The following JAZF1 variants were observed in gnomAD, a reference collection of about 807,000 sequenced individuals.
JAZF1 encodes juxtaposed with another zinc finger protein 1.
In JAZF1, 8 loss-of-function variants were observed where a neutral mutation model predicts 26.4. The ratio of observed to expected loss-of-function variants is 0.30; its 90% CI spans 0.18 to 0.55. The LOEUF (loss-of-function observed/expected upper bound fraction) is 0.55, where lower values mean the gene tolerates loss of function less well. Ranked by LOEUF, JAZF1 falls within the 20% of genes least tolerant of loss-of-function variation. JAZF1 has a pLI of 0.94. For synonymous variants in JAZF1, 126 were observed against 122.3 expected, an observed-to-expected ratio of 1.03 and a Z score of -0.20; for missense variants, 199 against 322.0, an observed-to-expected ratio of 0.62 and a Z score of 2.92.
At chr7:27,836,581 C>T (rs1038324289) in intron 4 of JAZF1, among the ~76,000 whole-genome samples, 19 of 151,992 alleles carry the variant, frequency 1.3e-4, no homozygotes, top group South Asian at 2.1e-4. Context: ...TTGTACACAG[C>T]GGAGAAGATG....
intron 3 of JAZF1, among the ~76,000 whole-genome samples, chr7:27,858,106 GACAA>G (rs1783305103): frequency 6.6e-6 from 1 of 151,850 alleles, no homozygotes; most frequent in South Asian, 2.1e-4. Context: ...ACCAATAATA[GACAA>G]ACAGCCAAAT....
At chr7:28,049,627 T>C (rs890606060) in intron 1 of JAZF1, among the ~76,000 whole-genome samples, 6 of 152,210 alleles carry the variant, frequency 3.9e-5, no homozygotes, top group Non-Finnish European at 2.9e-5. Context: ...TAGCTGCTTA[T>C]GCTTCTGAAC....
intron 3 of JAZF1, among the ~76,000 whole-genome samples, chr7:27,852,611 C>T (rs1218239734): frequency 6.6e-6 from 1 of 152,198 alleles, no homozygotes; most frequent in Admixed American, 6.5e-5. Flanking sequence ...CTTTCCTACT[C>T]TTGCCCCAGG....
intron 2 of JAZF1, among the ~76,000 whole-genome samples, chr7:27,987,125 G>A (rs1237016296): frequency 3.3e-5 from 5 of 151,812 alleles, no homozygotes; most frequent in Non-Finnish European, 7.4e-5. Context: ...CATCGTCTGG[G>A]ATGTGAGGAG....
chr7:27,957,961 C>T (rs541831047), intron 2 of JAZF1, among the ~76,000 whole-genome samples: 1 of 152,076 alleles, frequency 6.6e-6, no homozygotes, highest in South Asian at 2.1e-4. Context: ...GTAAGTGAAA[C>T]AAGAAATGAG....
At chr7:27,974,573 T>C (rs754615212) in intron 2 of JAZF1, among the ~76,000 whole-genome samples, 2 of 152,144 alleles carry the variant, frequency 1.3e-5, no homozygotes, top group Non-Finnish European at 2.9e-5. Context: ...GCATTTGAAG[T>C]GGGATGAATC....
intron 1 of JAZF1, among the ~76,000 whole-genome samples, chr7:28,086,871 A>G (rs1784219671): frequency 6.6e-6 from 1 of 152,228 alleles, no homozygotes; most frequent in East Asian, 1.9e-4. Flanking sequence ...TATCCTTAGA[A>G]GTAGAATTTT....
chr7:28,044,868 C>G (rs1323694174), intron 1 of JAZF1, among the ~76,000 whole-genome samples: 1 of 152,138 alleles, frequency 6.6e-6, no homozygotes, highest in Non-Finnish European at 1.5e-5. Flanking sequence ...GAGCAAAAGA[C>G]TAACCACCAA....
chr7:28,103,230 C>G (rs1784501668), intron 1 of JAZF1, among the ~76,000 whole-genome samples: 1 of 152,102 alleles, frequency 6.6e-6, no homozygotes, highest in Non-Finnish European at 1.5e-5. Flanking sequence ...TTCCCAAATG[C>G]CTATCTTCAG....
At chr7:28,095,327 G>A (rs962551398) in intron 1 of JAZF1, among the ~76,000 whole-genome samples, 5 of 152,184 alleles carry the variant, frequency 3.3e-5, no homozygotes, top group Non-Finnish European at 5.9e-5. Flanking sequence ...CAGCATTATC[G>A]GGGAGGCCTC....
At chr7:27,958,049 C>T (rs1434955319) in intron 2 of JAZF1, among the ~76,000 whole-genome samples, 3 of 152,142 alleles carry the variant, frequency 2.0e-5, no homozygotes, top group Non-Finnish European at 4.4e-5. Flanking sequence ...TATTATTTAT[C>T]ACACAGAGAG....
At chr7:27,893,888 G>A (rs779447889) in intron 3 of JAZF1, among the ~76,000 whole-genome samples, 9 of 152,150 alleles carry the variant, frequency 5.9e-5, no homozygotes, top group African/African-American at 1.4e-4. Flanking sequence ...TCCAGAGTGC[G>A]CTCTGGTCAG....
At chr7:27,979,799 C>T (rs1267410423) in intron 2 of JAZF1, among the ~76,000 whole-genome samples, 10 of 152,112 alleles carry the variant, frequency 6.6e-5, no homozygotes, top group Non-Finnish European at 1.5e-4. Flanking sequence ...TATGCCCTTT[C>T]TTTCCTATCG....
chr7:28,000,625 T>TC (rs200472809), intron 1 of JAZF1, among the ~76,000 whole-genome samples: 122 of 142,008 alleles, frequency 8.6e-4, no homozygotes, highest in African/African-American at 2.7e-3. Context: ...TTTCTTTCTT[T>TC]TTTTTTTTTT....
intron 1 of JAZF1, among the ~76,000 whole-genome samples, chr7:28,174,137 T>C (rs1783514083): frequency 6.6e-6 from 1 of 152,126 alleles, no homozygotes; most frequent in African/African-American, 2.4e-5. Flanking sequence ...TGAAACAAAA[T>C]GAGTATCTAC....
chr7:27,989,275 T>C (rs1157748669), intron 2 of JAZF1, among the ~76,000 whole-genome samples: 2 of 152,130 alleles, frequency 1.3e-5, no homozygotes, highest in Non-Finnish European at 2.9e-5. Flanking sequence ...TTATACCTTA[T>C]ACAAAAATTA....
intron 1 of JAZF1, among the ~76,000 whole-genome samples, chr7:28,085,071 G>T (rs1784193543): frequency 6.6e-6 from 1 of 152,116 alleles, no homozygotes; most frequent in African/African-American, 2.4e-5. Context: ...ATAACTGGAA[G>T]AAATAAATTC....
At chr7:28,096,558 T>A (rs908205920) in intron 1 of JAZF1, among the ~76,000 whole-genome samples, 7 of 152,228 alleles carry the variant, frequency 4.6e-5, no homozygotes, top group Non-Finnish European at 8.8e-5. Context: ...TTTCACATAA[T>A]CATTCATGCA....
At chr7:27,982,182 G>C (rs1238057568) in intron 2 of JAZF1, among the ~76,000 whole-genome samples, 6 of 152,202 alleles carry the variant, frequency 3.9e-5, no homozygotes, top group African/African-American at 1.4e-4. Flanking sequence ...CAAGAGGTAG[G>C]GGAATTCCCT....
Sources: gnomAD v4.1 joint callset for allele counts (sites outside exome capture counted in the v4.1 genomes callset) on GRCh38, gnomAD v4.1.1 for gene constraint, MANE v1.5 for transcripts, NCBI Gene and HGNC (gene_info 2026-07-23, HGNC 2026-07-21) for gene names.